Variants in SUSD4 observed in about 807,000 individuals in gnomAD.
SUSD4 encodes the protein sushi domain containing 4, also known as sushi domain-containing protein 4.
Under a neutral mutation model 50.5 loss-of-function variants are expected in SUSD4, and 41 were observed. That is an observed-to-expected ratio of 0.81 (90% CI 0.63 to 1.05). The LOEUF (loss-of-function observed/expected upper bound fraction) is 1.05. Ranked by LOEUF, SUSD4 falls within the 50% of genes least tolerant of loss-of-function variation. The probability of loss-of-function intolerance (pLI) is 0.00; values close to 1 mark genes in which losing one functional copy is unlikely to be tolerated. For synonymous variants in SUSD4, 257 were observed against 257.3 expected, an observed-to-expected ratio of 1.00 and a Z score of 0.01; for missense variants, 580 against 634.7, an observed-to-expected ratio of 0.91 and a Z score of 0.93.
intron 2 of SUSD4, among the ~76,000 whole-genome samples, chr1:223,349,524 T>A (rs1668237638): frequency 6.6e-6 from 1 of 152,214 alleles, no homozygotes; most frequent in Non-Finnish European, 1.5e-5. Flanking sequence ...TTCCAGATCA[T>A]CTCTGGACTC....
chr1:223,354,126 A>T (rs1294312529), intron 2 of SUSD4, among the ~76,000 whole-genome samples: 1 of 152,076 alleles, frequency 6.6e-6, no homozygotes, highest in East Asian at 1.9e-4. Context: ...CCACCCCCTC[A>T]TCATAGGCTT....
intron 2 of SUSD4, among the ~76,000 whole-genome samples, chr1:223,345,347 T>C (rs1667971276): frequency 6.6e-6 from 1 of 152,354 alleles, no homozygotes; most frequent in East Asian, 1.9e-4. Flanking sequence ...TCTTGGTATC[T>C]TGTGAGGAAA....
chr1:223,276,246 T>C (rs955646226), intron 3 of SUSD4, among the ~76,000 whole-genome samples: 2 of 152,260 alleles, frequency 1.3e-5, no homozygotes, highest in African/African-American at 4.8e-5. Context: ...GCGACCTTTA[T>C]ACAGGCTCTG....
chr1:223,243,523 A>C lies in SUSD4; in HGVS notation c.725-14135T>G, dbSNP rs377452024. Among the ~76,000 whole-genome samples the C allele has an allele frequency of 4.6e-5, 7 of 152,188 alleles. No homozygotes were observed. The East Asian group carries it at 9.7e-4, about 21-fold the overall frequency. On this transcript the variant is annotated intron_variant, in intron 5 of 8. Transcript: ENST00000366878. ...ACAGCACTGAGGGTGGGTGGCTCAG[A>C]GGGCCCCCAGGGCCAGGCAGCAAAG... is the stretch of plus-strand genomic sequence containing the variant.
chr1:223,324,060 T>C (rs61838211), intron 2 of SUSD4, among the ~76,000 whole-genome samples: 9,629 of 151,128 alleles, frequency 0.064, 362 homozygotes, highest in East Asian at 0.12. Flanking sequence ...ATGTATTTCT[T>C]ATCTTTACTT....
intron 2 of SUSD4, among the ~76,000 whole-genome samples, chr1:223,351,939 C>G (rs1219603461): frequency 6.6e-6 from 1 of 151,392 alleles, no homozygotes; most frequent in Non-Finnish European, 1.5e-5. Flanking sequence ...AGTTTAGCAA[C>G]AACATCAACA....
chr1:223,361,273 G>A (rs551781020), intron 2 of SUSD4, among the ~76,000 whole-genome samples: 4 of 152,146 alleles, frequency 2.6e-5, no homozygotes, highest in East Asian at 1.9e-4. Context: ...TTGCCCAAAC[G>A]GTTTATTCAT....
chr1:223,262,346 A>G (rs1156376131), intron 5 of SUSD4, among the ~76,000 whole-genome samples: 2 of 152,168 alleles, frequency 1.3e-5, no homozygotes, highest in African/African-American at 4.8e-5. Context: ...AATTTTCACT[A>G]TGTCATCAAG....
At chr1:223,360,258 G>T (rs1447113620) in intron 2 of SUSD4, 2 of 470,588 alleles carry the variant, frequency 4.2e-6, no homozygotes. Flanking sequence ...AAGCCTGGGG[G>T]TGGGGGGCAC....
chr1:223,338,670 G>A (rs1667586663), intron 2 of SUSD4, among the ~76,000 whole-genome samples: 1 of 152,228 alleles, frequency 6.6e-6, no homozygotes, highest in South Asian at 2.1e-4. Flanking sequence ...GGGAGAAGGG[G>A]TGATGCACTT....
intron 3 of SUSD4, among the ~76,000 whole-genome samples, chr1:223,280,732 G>C (rs1663655163): frequency 6.6e-6 from 1 of 151,168 alleles, no homozygotes; most frequent in Non-Finnish European, 1.5e-5. Context: ...CTGTACCAAG[G>C]GGACCTAATA....
intron 3 of SUSD4, among the ~76,000 whole-genome samples, chr1:223,278,908 G>A (rs1663480860): frequency 6.6e-6 from 1 of 152,222 alleles, no homozygotes; most frequent in South Asian, 2.1e-4. Context: ...TTGCTGTTCA[G>A]CAATATTTGC....
intron 2 of SUSD4, among the ~76,000 whole-genome samples, chr1:223,356,557 T>G (rs1056236099): frequency 1.3e-5 from 2 of 152,132 alleles, no homozygotes; most frequent in African/African-American, 4.8e-5. Flanking sequence ...ATTACCGGCA[T>G]GAGCCACCGT....
chr1:223,228,416 G>A (rs137962465), intron 6 of SUSD4, among the ~76,000 whole-genome samples: 122 of 152,328 alleles, frequency 8.0e-4, no homozygotes, highest in African/African-American at 2.8e-3. Flanking sequence ...GCATTAACAA[G>A]TGCTTCCTTG....
intron 3 of SUSD4, among the ~76,000 whole-genome samples, chr1:223,279,235 G>A (rs752314228): frequency 1.4e-4 from 21 of 152,210 alleles, no homozygotes; most frequent in Non-Finnish European, 2.6e-4. Context: ...TGACTTTGAC[G>A]AGTTGAGAGA....
chr1:223,292,484 T>G lies in SUSD4; in HGVS notation c.316A>C (p.Thr106Pro). 1 of 1,614,172 alleles carries G rather than the reference T, an allele frequency of 6.2e-7. No homozygotes were observed. The highest frequency in any genetic ancestry group is 8.5e-7 in the Non-Finnish European group (1 of 1,180,028). Residue 106 changes from threonine to proline, a missense_variant, in exon 3 of 9, where the codon ACC becomes CCC. By Grantham distance (38) the Thr-to-Pro change is conservative. Transcript: ENST00000366878. ...KRLCLKHFNG[T>P]LGWIPSDNSI... ...TTATCACTTGGGATCCAGCCTAGGGTTCCATTAAAATGCTTCAAACACAGT... is the reference window on the plus strand; with the variant it reads ...TTATCACTTGGGATCCAGCCTAGGGGTCCATTAAAATGCTTCAAACACAGT...
At chr1:223,279,707 G>A (rs1269327019) in intron 3 of SUSD4, among the ~76,000 whole-genome samples, 1 of 152,124 alleles carries the variant, frequency 6.6e-6, no homozygotes, top group Non-Finnish European at 1.5e-5. Flanking sequence ...AGCAAGGCAG[G>A]CCAACATTCA....
chr1:223,270,383 G>A (rs990435585), intron 3 of SUSD4, among the ~76,000 whole-genome samples: 10 of 152,168 alleles, frequency 6.6e-5, no homozygotes, highest in African/African-American at 2.4e-4. Flanking sequence ...AGCAAGCTGT[G>A]AGGGCACAGC....
rs1667235370 is a variant in SUSD4, at chr1:223,332,611, T to C, written c.148+30667A>G. Among the ~76,000 whole-genome samples, 1 of 152,204 alleles carries C rather than the reference T, an allele frequency of 6.6e-6. No individual in the cohort carries two copies. The highest frequency in any genetic ancestry group is 2.1e-4 in the South Asian group (1 of 4,832). On this transcript the variant is annotated intron_variant, in intron 2 of 8. Coordinates refer to ENST00000366878, the MANE Select transcript of SUSD4 (RefSeq NM_017982.4). The surrounding 1 kb of genome is among the most constrained non-coding windows in gnomAD (Gnocchi z 4.0). ...GACGTAAAAAATACATCTCAGGCACTGAAACATGGCCTGACCACACTGTAG... is the reference window on the plus strand; with the variant it reads ...GACGTAAAAAATACATCTCAGGCACCGAAACATGGCCTGACCACACTGTAG...
Sources: allele counts gnomAD v4.1 joint callset (sites outside exome capture counted in the v4.1 genomes callset), GRCh38; gene constraint gnomAD v4.1.1; non-coding constraint Gnocchi (gnomAD v3.1); transcripts MANE v1.5; gene names NCBI Gene and HGNC (gene_info 2026-07-23, HGNC 2026-07-21).